The following CLCA4 variants were observed in gnomAD, a reference collection of about 807,000 sequenced individuals.
CLCA4 encodes calcium-activated chloride channel regulator 4.
In CLCA4, 69 loss-of-function variants were observed where a neutral mutation model predicts 78.9. That is an observed-to-expected ratio of 0.87 (90% CI 0.72 to 1.07). The LOEUF (loss-of-function observed/expected upper bound fraction) is 1.07, where lower values mean the gene tolerates loss of function less well. Among genes scored for constraint, CLCA4 ranks in the 50% least tolerant of loss-of-function variants. The pLI is 0.00. For synonymous variants in CLCA4, 362 were observed against 375.8 expected (o/e 0.96, Z 0.42); for missense variants, 1,133 against 1,095.8 (o/e 1.03, Z -0.48).
chr1:86,580,310 G>A lies in CLCA4; in HGVS notation c.2725G>A (p.Val909Ile), dbSNP rs1276385002. 2 of 1,600,544 alleles carry A rather than the reference G, an allele frequency of 1.2e-6. No homozygotes were observed. The highest frequency in any genetic ancestry group is 1.7e-6 in the Non-Finnish European group (2 of 1,175,400). Residue 909 changes from valine to isoleucine, a missense_variant, in exon 14 of 14, where the codon GTA becomes ATA. Coordinates refer to ENST00000370563, the MANE Select transcript of CLCA4 (RefSeq NM_012128.4). ...TLVLSVIGSV[V>I]IVNFILSTTI ...GGTATTGTCTGTGATTGGGTCTGTT[G>A]TAATTGTTAACTTTATTTTAAGTAC...
At chr1:86,561,253 G>T (rs1388894402) in intron 3 of CLCA4, among the ~76,000 whole-genome samples, 1 of 152,072 alleles carries the variant, frequency 6.6e-6, no homozygotes, top group African/African-American at 2.4e-5. Context: ...AATCCTTTGT[G>T]CCCTTTTAGT....
At chr1:86,568,020 T>C (rs1052006011) in intron 7 of CLCA4, among the ~76,000 whole-genome samples, 3 of 152,046 alleles carry the variant, frequency 2.0e-5, no homozygotes, top group African/African-American at 7.2e-5. Flanking sequence ...ATGATTCTAC[T>C]TCAAGCTAGT....
At chr1:86,578,174 C>A in intron 12 of CLCA4, 102 bp downstream of exon 12, 1 of 1,053,996 alleles carries the variant, frequency 9.5e-7, no homozygotes, top group South Asian at 1.9e-5. Flanking sequence ...CAAAATATAG[C>A]TTTTCCCATT....
intron 6 of CLCA4, among the ~76,000 whole-genome samples, 189 bp from the exon 7 acceptor site, chr1:86,567,235 G>T (rs539409262): frequency 6.6e-6 from 1 of 151,836 alleles, no homozygotes; most frequent in Non-Finnish European, 1.5e-5. Flanking sequence ...CTTACTATAC[G>T]TGTCCCATAA....
chr1:86,550,519 A>G (rs1649621127), intron 1 of CLCA4, among the ~76,000 whole-genome samples: 1 of 152,102 alleles, frequency 6.6e-6, no homozygotes, highest in South Asian at 2.1e-4. Flanking sequence ...GCCCTTCACA[A>G]AATCTTCGCG....
At chr1:86,556,742 A>AT (rs1649859038) in intron 1 of CLCA4, among the ~76,000 whole-genome samples, 1 of 152,188 alleles carries the variant, frequency 6.6e-6, no homozygotes, top group African/African-American at 2.4e-5. Context: ...AATTTTTGGA[A>AT]TAGTTTCAGT....
At chr1:86,575,994 A>C (rs1650504105) in intron 11 of CLCA4, among the ~76,000 whole-genome samples, 2 of 151,944 alleles carry the variant, frequency 1.3e-5, no homozygotes, top group African/African-American at 4.8e-5. Flanking sequence ...TGGGAGGATG[A>C]GGACAGAGGA....
chr1:86,565,201 A>G, intron 4 of CLCA4, 73 bp from the exon 5 acceptor site: 2 of 1,056,150 alleles, frequency 1.9e-6, no homozygotes, highest in Non-Finnish European at 2.8e-6. Flanking sequence ...TTCATCATGA[A>G]TAGAACCACT....
chr1:86,549,013 T>G (rs962757675), intron 1 of CLCA4, among the ~76,000 whole-genome samples: 4 of 152,206 alleles, frequency 2.6e-5, no homozygotes, highest in Non-Finnish European at 5.9e-5. Context: ...GCAGTAAAAT[T>G]TTTTTAAAGC....
At chr1:86,552,168 A>G (rs1234128335) in intron 1 of CLCA4, among the ~76,000 whole-genome samples, 2 of 152,074 alleles carry the variant, frequency 1.3e-5, no homozygotes, top group Non-Finnish European at 2.9e-5. Flanking sequence ...TTTTAAGAAA[A>G]TAGCTGAAAA....
chr1:86,547,259 A>G lies in CLCA4; in HGVS notation c.140A>G (p.Lys47Arg). Residue 47 changes from lysine (K) to arginine (R), a missense_variant, in exon 1 of 14, where the codon AAA becomes AGA. Physicochemically the swap from Lys to Arg is conservative, Grantham distance 26. Transcript: ENST00000370563. ...GATCCTAGTGTGCCAGAAGATGAAA[A>G]AATAATTGAACAAATAGAGGTAAGA... is the stretch of plus-strand genomic sequence containing the variant. ...VIDPSVPEDE[K>R]IIEQIEDMVT... 1.3e-6 allele frequency: 2 copies of G among 1,593,192 alleles called. No individual in the cohort carries two copies. The highest frequency in any genetic ancestry group is 1.7e-6 in the Non-Finnish European group (2 of 1,173,448).
chr1:86,554,808 C>T (rs544639815), intron 1 of CLCA4, among the ~76,000 whole-genome samples: 4 of 152,066 alleles, frequency 2.6e-5, no homozygotes, highest in Non-Finnish European at 5.9e-5. Flanking sequence ...ATTTACACTC[C>T]CATCAACAAT....
At chr1:86,548,408 C>T (rs565930132) in intron 1 of CLCA4, among the ~76,000 whole-genome samples, 3 of 152,032 alleles carry the variant, frequency 2.0e-5, no homozygotes, top group African/African-American at 4.8e-5. Flanking sequence ...CAGCCAGGCA[C>T]GGTGGCTCTC....
intron 7 of CLCA4, among the ~76,000 whole-genome samples, chr1:86,568,667 C>T (rs898952270): frequency 1.3e-5 from 2 of 151,932 alleles, no homozygotes; most frequent in East Asian, 3.9e-4. Context: ...AAACAACTTA[C>T]TACACACATT....
chr1:86,559,592 G>A (rs965945064), intron 1 of CLCA4, among the ~76,000 whole-genome samples: 7 of 152,146 alleles, frequency 4.6e-5, no homozygotes, highest in African/African-American at 1.7e-4. Context: ...AATCAACCAA[G>A]ATCTGTCATC....
At position 86,579,432 on chromosome 1, in the gene CLCA4, C is replaced by A; in HGVS notation, c.2201C>A (p.Ala734Glu). The change falls in exon 13 of 14, where the codon GCA becomes GAA. Residue 734 changes from alanine (A) to glutamate (E), a missense_variant. Physicochemically the swap from Ala to Glu is moderately radical, Grantham distance 107. Transcript: ENST00000370563. ...ACCTTGGAGGATTTCAGCCGAACAG[C>A]ATCCGGAGGTGCATTTGTGGTATCA... is the stretch of plus-strand genomic sequence containing the variant. ...QTTLEDFSRT[A>E]SGGAFVVSQV... The A allele has an allele frequency of 6.2e-7, 1 of 1,613,334 alleles. No homozygotes were observed. The highest frequency in any genetic ancestry group is 1.1e-5 in the South Asian group (1 of 91,070).
chr1:86,555,877 T>C (rs1028364746), intron 1 of CLCA4, among the ~76,000 whole-genome samples: 2 of 152,194 alleles, frequency 1.3e-5, no homozygotes, highest in African/African-American at 4.8e-5. Flanking sequence ...CACAATTTCT[T>C]TGAGCAGTGT....
chr1:86,568,875 A>G lies in CLCA4; in HGVS notation c.1182+1224A>G, dbSNP rs531293180. Among the ~76,000 whole-genome samples, 96 of 152,014 alleles carry G rather than the reference A, an allele frequency of 6.3e-4. 1 individual carries two copies. Among genetic ancestry groups the G allele is most frequent in the Non-Finnish European group, 1.5e-4 (10 of 67,934 alleles). ...TCTTCCATGGATTGCATGACATTTT[A>G]GTTTAGGTTTGTAACATGAAGTCCT... is the stretch of plus-strand genomic sequence containing the variant. On this transcript the variant is annotated intron_variant, in intron 7 of 13. Transcript: ENST00000370563.
At chr1:86,560,481 A>T in intron 3 of CLCA4, 123 bp downstream of exon 3, 1 of 935,864 alleles carries the variant, frequency 1.1e-6, no homozygotes, top group Non-Finnish European at 1.6e-6. Flanking sequence ...CCTACTTACT[A>T]GCTGTATGTG....
Sources: allele counts gnomAD v4.1 joint callset (sites outside exome capture counted in the v4.1 genomes callset), GRCh38; gene constraint gnomAD v4.1.1; transcripts MANE v1.5; gene names NCBI Gene and HGNC (gene_info 2026-07-23, HGNC 2026-07-21).